Variants in HERC2 observed in about 807,000 individuals in gnomAD.
HERC2 encodes HECT and RLD domain containing E3 ubiquitin protein ligase 2.
In HERC2, 102 loss-of-function variants were observed where a neutral mutation model predicts 537.7. The observed-to-expected ratio is 0.19, with a 90% confidence interval of 0.16 to 0.22. The LOEUF is 0.22. HERC2 is among the 10% of genes least tolerant of loss of function. The pLI, the probability that HERC2 is intolerant of heterozygous loss-of-function variation, is 1.00. For synonymous variants in HERC2, 2,224 were observed against 2,466.2 expected, an observed-to-expected ratio of 0.90 and a Z score of 2.91; for missense variants, 4,236 against 6,198.2, an observed-to-expected ratio of 0.68 and a Z score of 10.63.
chr15:28,270,713 G>A lies in HERC2; in HGVS notation c.1239C>T (p.Ser413=), dbSNP rs753272218. 2.5e-6 allele frequency: 4 copies of A among 1,613,704 alleles called. No individual in the cohort carries two copies. Among genetic ancestry groups the A allele is most frequent in the Non-Finnish European group, 2.5e-6 (3 of 1,179,824 alleles). Residue 413 remains serine, a synonymous_variant, in exon 10 of 93, where the codon AGC becomes AGT. Coordinates refer to ENST00000261609, the MANE Select transcript of HERC2 (RefSeq NM_004667.6). ...CACACACCTTATGAGATGTCGGAGA[G>A]CTACACAGCGGAGGCATACAGGGCG... ...LATPCMPPLC[S]SPTSHKGSLQ...
intron 20 of HERC2, among the ~76,000 whole-genome samples, chr15:28,250,469 A>C (rs1180951966): frequency 6.6e-6 from 1 of 152,248 alleles, no homozygotes; most frequent in East Asian, 1.9e-4. Flanking sequence ...AGTTTATTTA[A>C]TATAAAATTT....
chr15:28,278,713 G>C lies in HERC2; in HGVS notation c.542+1355C>G, dbSNP rs201644037. 1.4e-4 allele frequency among the ~76,000 whole-genome samples: 22 copies of C among 152,306 alleles called. No homozygotes were observed. The East Asian group carries it at 3.1e-3, about 21-fold the overall frequency. ...GTCTCTGGGGAGCAAGACGATCAGG[G>C]TTTTGCTCTTGTTTCTTTCTGCCTC... On this transcript the variant is annotated intron_variant, in intron 5 of 92. Coordinates refer to ENST00000261609, the MANE Select transcript of HERC2 (RefSeq NM_004667.6).
At position 28,164,517 on chromosome 15, in the gene HERC2, G is replaced by C. The variant is rs138393107; in HGVS notation, c.10555-1232C>G. On this transcript the variant is annotated intron_variant, in intron 68 of 92. Coordinates refer to ENST00000261609, the MANE Select transcript of HERC2 (RefSeq NM_004667.6). ...TATTAACAAGAATATCTTTAGTCTT[G>C]AGATTGAAATGTACCTACCATTTTT... 6.1e-3 allele frequency among the ~76,000 whole-genome samples: 929 copies of C among 151,724 alleles called. 10 individuals carry two copies. Among genetic ancestry groups the C allele is most frequent in the African/African-American group, 0.022 (904 of 41,524 alleles).
At chr15:28,186,546 T>A in intron 56 of HERC2, 31 bp downstream of exon 56, 1 of 1,584,864 alleles carries the variant, frequency 6.3e-7, no homozygotes, top group Non-Finnish European at 8.6e-7. Flanking sequence ...TAGCGGGAGG[T>A]AAGTGAGCAC....
intron 66 of HERC2, 38 bp downstream of exon 66, chr15:28,169,446 A>G (rs753339651): frequency 1.4e-6 from 2 of 1,475,678 alleles, no homozygotes; most frequent in Non-Finnish European, 1.8e-6. Context: ...TGAAGCTCAC[A>G]TAATTGCAGA....
Position 28,268,414 on chromosome 15 carries a change from A to G in HERC2, c.1598+51T>C, listed in dbSNP as rs1307530065. On this transcript the variant is annotated intron_variant, in intron 12 of 92. Transcript: ENST00000261609. This position sits in a 1 kb window ranked among gnomAD's most constrained non-coding sequence, Gnocchi z 4.7. ...TTCTGCGCTCCATCCTGTTTAGGAT[A>G]TGGCAACATAAAAGGAGAGTGTGTC... 40 of 1,552,818 alleles carry G rather than the reference A, an allele frequency of 2.6e-5. No homozygotes were observed. Among genetic ancestry groups the G allele is most frequent in the Non-Finnish European group, 3.3e-5 (37 of 1,133,522 alleles).
chr15:28,206,702 G>A (rs1345089219), intron 44 of HERC2, among the ~76,000 whole-genome samples: 16 of 151,486 alleles, frequency 1.1e-4, no homozygotes, highest in East Asian at 5.8e-4. Context: ...GCATGGTGGC[G>A]GGCGCCTGTA....
chr15:28,174,277 G>T (rs61181673), intron 65 of HERC2, 118 bp downstream of exon 65: 12,852 of 654,612 alleles, frequency 0.02, 411 homozygotes, highest in African/African-American at 0.12. Flanking sequence ...TGTCTTTAGA[G>T]TCATAATGCA....
intron 2 of HERC2, among the ~76,000 whole-genome samples, chr15:28,316,210 G>T: frequency 8.3e-6 from 1 of 121,000 alleles, no homozygotes; most frequent in Admixed American, 1.0e-4. Flanking sequence ...GCAACAGAGT[G>T]AGACTCTGTC....
chr15:28,307,316 A>G (rs2076817073), intron 2 of HERC2, among the ~76,000 whole-genome samples: 1 of 152,204 alleles, frequency 6.6e-6, no homozygotes, highest in Non-Finnish European at 1.5e-5. Flanking sequence ...TAGAAAAACC[A>G]ACTTTTCATT....
rs943023729 is a variant in HERC2, at chr15:28,268,094, T to C, written c.1598+371A>G. Reference sequence around the variant, plus strand: ...GACTTTTGTTCCTGTAAAAATAATATATGGTTCAAGAAAAGGGTGACAACC... The same window carrying C: ...GACTTTTGTTCCTGTAAAAATAATACATGGTTCAAGAAAAGGGTGACAACC... On this transcript the variant is annotated intron_variant, in intron 12 of 92. Coordinates refer to ENST00000261609, the MANE Select transcript of HERC2 (RefSeq NM_004667.6). This position sits in a 1 kb window ranked among gnomAD's most constrained non-coding sequence, Gnocchi z 4.7. Among the ~76,000 whole-genome samples, 2 of 152,148 alleles carry C rather than the reference T, an allele frequency of 1.3e-5. No individual in the cohort carries two copies. The highest frequency in any genetic ancestry group is 6.5e-5 in the Admixed American group (1 of 15,274).
Position 28,142,322 on chromosome 15 carries a change from G to A in HERC2, c.11616C>T (p.Ala3872=). 1 of 1,614,196 alleles carries A rather than the reference G, an allele frequency of 6.2e-7. No individual in the cohort carries two copies. Among genetic ancestry groups the A allele is most frequent in the Non-Finnish European group, 8.5e-7 (1 of 1,180,018 alleles). ...LPCCAETHKW[A]WFRRYCMASR... The stretch of plus-strand genomic sequence containing the variant: ...AGGCCATGCAGTACCTCCGGAACCA[G>A]GCCCACTTGTGCGTCTCGGCACAGC... Residue 3872 remains alanine (A), a synonymous_variant, in exon 76 of 93, where the codon GCC becomes GCT. Coordinates refer to ENST00000261609, the MANE Select transcript of HERC2 (RefSeq NM_004667.6).
Position 28,214,280 on chromosome 15 carries a change from G to A in HERC2, c.6359-8C>T, listed in dbSNP as rs1235082818. On this transcript the variant is annotated splice_region_variant and splice_polypyrimidine_tract_variant and intron_variant, in intron 40 of 92. Coordinates refer to ENST00000261609, the MANE Select transcript of HERC2 (RefSeq NM_004667.6). Reference sequence around the variant, plus strand: ...GCCGCCTCAGCGTGGACTCTGAGGAGGAAACCAGGGGAGAAGCTGCTGCAC... The same window carrying A: ...GCCGCCTCAGCGTGGACTCTGAGGAAGAAACCAGGGGAGAAGCTGCTGCAC... 2.5e-6 allele frequency: 4 copies of A among 1,608,928 alleles called. No individual in the cohort carries two copies. Among genetic ancestry groups the A allele is most frequent in the African/African-American group, 1.3e-5 (1 of 74,956 alleles).
intron 25 of HERC2, 85 bp from the exon 26 acceptor site, chr15:28,237,198 T>C: frequency 7.3e-7 from 1 of 1,365,834 alleles, no homozygotes; most frequent in East Asian, 2.3e-5. Context: ...CTCCTGCAGC[T>C]GTAACCGCAC....
At chr15:28,239,283 A>G (rs926363635) in intron 23 of HERC2, among the ~76,000 whole-genome samples, 1 of 152,208 alleles carries the variant, frequency 6.6e-6, no homozygotes, top group African/African-American at 2.4e-5. Flanking sequence ...TTATGCCTTT[A>G]AATGTGTATA....
At chr15:28,203,687 G>T (rs1047830822) in intron 45 of HERC2, 7 of 152,114 alleles carry the variant, frequency 4.6e-5, no homozygotes, top group Admixed American at 4.6e-4. Context: ...CAGGGGCTGG[G>T]GTCCCGGCCT....
rs1185973779 is a variant in HERC2 at position 28,130,601 on chromosome 15, G to C, written c.12571-7C>G. The C allele has an allele frequency of 1.2e-6, 2 of 1,602,610 alleles. No homozygotes were observed. Among genetic ancestry groups the C allele is most frequent in the South Asian group, 2.2e-5 (2 of 90,832 alleles). On this transcript the variant is annotated splice_region_variant and splice_polypyrimidine_tract_variant and intron_variant, in intron 81 of 92. Coordinates refer to ENST00000261609, the MANE Select transcript of HERC2 (RefSeq NM_004667.6). ...GACCAGTAAGAGAATCAATCTAGAG[G>C]GGGAAAAGGTTCAATTAGACAGACA... is the stretch of plus-strand genomic sequence containing the variant.
Position 28,254,439 on chromosome 15 carries a change from C to T in HERC2, c.2951G>A (p.Ser984Asn), listed in dbSNP as rs1258637047. Residue 984 changes from serine (S) to asparagine (N), a missense_variant, in exon 20 of 93, where the codon AGC (serine) becomes AAC (asparagine). Ser to Asn is a conservative substitution (Grantham distance 46). This residue lies in a region of HERC2 where 754 missense variants were observed against 1,085.0 expected (regional missense o/e 0.69). Coordinates refer to ENST00000261609, the MANE Select transcript of HERC2 (RefSeq NM_004667.6). ...QEANASTFHR[S>N]RTPLDKDLIN... ...AAGGTCTTTATCCAGTGGAGTCCTGCTTCTATGAAATGTTGAGGCATTCGC... is the reference window on the plus strand; with the variant it reads ...AAGGTCTTTATCCAGTGGAGTCCTGTTTCTATGAAATGTTGAGGCATTCGC... 2.5e-6 allele frequency: 4 copies of T among 1,608,188 alleles called. No individual in the cohort carries two copies. Among genetic ancestry groups the T allele is most frequent in the Non-Finnish European group, 3.4e-6 (4 of 1,178,120 alleles).
At chr15:28,263,231 G>A in intron 14 of HERC2, 62 bp from the exon 15 acceptor site, 1 of 1,545,006 alleles carries the variant, frequency 6.5e-7, no homozygotes, top group Non-Finnish European at 8.8e-7. Flanking sequence ...AATTTTAAAT[G>A]ACTGCAAATA....
Sources: gnomAD v4.1 joint callset for allele counts (sites outside exome capture counted in the v4.1 genomes callset) on GRCh38, gnomAD v4.1.1 for gene constraint, gnomAD v4.1.1 regional missense constraint, Gnocchi (gnomAD v3.1) non-coding constraint, MANE v1.5 for transcripts, NCBI Gene and HGNC (gene_info 2026-07-23, HGNC 2026-07-21) for gene names.